Variants in LRBA observed in about 807,000 individuals in gnomAD.
The protein encoded by LRBA is LPS responsive beige-like anchor protein, also known as lipopolysaccharide-responsive and beige-like anchor protein.
In LRBA, 176 loss-of-function variants were observed where a neutral mutation model predicts 330.0. The observed-to-expected ratio is 0.53, with a 90% CI of 0.47 to 0.60. The LOEUF (loss-of-function observed/expected upper bound fraction) is 0.60. LRBA is among the 20% of genes least tolerant of loss of function. LRBA has a pLI of 0.00. For synonymous variants in LRBA, 1,230 were observed against 1,193.0 expected, an observed-to-expected ratio of 1.03 and a Z score of -0.64; for missense variants, 3,259 against 3,444.8, an observed-to-expected ratio of 0.95 and a Z score of 1.35.
chr4:150,726,409 T>C (rs775914825), intron 36 of LRBA, among the ~76,000 whole-genome samples: 151 of 152,224 alleles, frequency 9.9e-4, no homozygotes, highest in Non-Finnish European at 1.7e-3. Flanking sequence ...ACGGTCATTA[T>C]ATAGTGATAA....
chr4:150,455,021 T>C (rs557283528), intron 44 of LRBA, among the ~76,000 whole-genome samples: 13 of 151,922 alleles, frequency 8.6e-5, no homozygotes, highest in African/African-American at 2.4e-4. Flanking sequence ...CATGTGCACA[T>C]TGTGCAGGTT....
At chr4:150,536,226 G>A (rs939352653) in intron 40 of LRBA, among the ~76,000 whole-genome samples, 1 of 151,988 alleles carries the variant, frequency 6.6e-6, no homozygotes, top group Non-Finnish European at 1.5e-5. Flanking sequence ...TCCACTTTGG[G>A]CAAAAAAGTT....
rs373197084 is a variant in LRBA at position 150,991,491 on chromosome 4, A to G, written c.216+22936T>C. ...CTCAGCAAAAATTAAAAAAGAAACA[A>G]GCAACTTAATTATGCAACGACATAG... On this transcript the variant is annotated intron_variant, in intron 2 of 56. Coordinates refer to ENST00000651943, the MANE Select transcript of LRBA (RefSeq NM_001364905.1). Among the ~76,000 whole-genome samples, 184 of 152,358 alleles carry G rather than the reference A, an allele frequency of 1.2e-3. 3 individuals carry two copies. Among genetic ancestry groups the G allele is most frequent in the African/African-American group, 4.3e-3 (178 of 41,578 alleles).
intron 34 of LRBA, among the ~76,000 whole-genome samples, chr4:150,796,134 C>G (rs778330641): frequency 1.1e-4 from 17 of 151,870 alleles, no homozygotes; most frequent in Non-Finnish European, 2.1e-4. Context: ...CCCACCCTAT[C>G]TCAGACCAAA....
At chr4:150,733,217 G>A (rs1166397796) in intron 36 of LRBA, among the ~76,000 whole-genome samples, 1 of 151,958 alleles carries the variant, frequency 6.6e-6, no homozygotes, top group African/African-American at 2.4e-5. Flanking sequence ...ACAGTGTGGA[G>A]TCTTTTTTCC....
intron 40 of LRBA, among the ~76,000 whole-genome samples, chr4:150,499,260 A>C (rs1759953071): frequency 6.6e-6 from 1 of 152,076 alleles, no homozygotes; most frequent in South Asian, 2.1e-4. Context: ...TCCCTTTATA[A>C]TTTTTTCATT....
intron 40 of LRBA, among the ~76,000 whole-genome samples, chr4:150,493,962 T>C (rs1178039898): frequency 2.6e-5 from 4 of 152,192 alleles, no homozygotes; most frequent in Admixed American, 6.5e-5. Flanking sequence ...CATGCACCTA[T>C]AGCCCTAGCT....
At chr4:150,489,293 TATA>T (rs1758448466) in intron 41 of LRBA, among the ~76,000 whole-genome samples, 1 of 101,186 alleles carries the variant, frequency 9.9e-6, no homozygotes, top group Non-Finnish European at 1.8e-5. Flanking sequence ...TATAAGAATA[TATA>T]ATATATTATA....
At chr4:150,923,184 C>CAAA (rs372277904) in intron 4 of LRBA, among the ~76,000 whole-genome samples, 7 of 137,312 alleles carry the variant, frequency 5.1e-5, no homozygotes, top group Non-Finnish European at 6.2e-5. Flanking sequence ...ATCGTAAAGT[C>CAAA]AAAAAAAAAA....
rs574736073 is a variant in LRBA at position 150,454,108 on chromosome 4, G to A, written c.6780+13565C>T. On this transcript the variant is annotated intron_variant, in intron 44 of 56. Transcript: ENST00000651943. ...CCCAAGTAGCTGGGATTACAGGCACGCACCACCACATCTGACTAATTTTTG... is the reference window on the plus strand; with the variant it reads ...CCCAAGTAGCTGGGATTACAGGCACACACCACCACATCTGACTAATTTTTG... 9.2e-5 allele frequency among the ~76,000 whole-genome samples: 14 copies of A among 152,008 alleles called. No homozygotes were observed. In the South Asian group the frequency reaches 1.9e-3, roughly 20 times the overall value.
At chr4:150,872,791 G>T in intron 17 of LRBA, 36 bp from the exon 18 acceptor site, 1 of 1,097,344 alleles carries the variant, frequency 9.1e-7, no homozygotes, top group Non-Finnish European at 1.3e-6. Flanking sequence ...ACTATTTTGA[G>T]TATAATTTTT....
chr4:150,933,204 A>G (rs910175232), intron 2 of LRBA, among the ~76,000 whole-genome samples: 2 of 151,758 alleles, frequency 1.3e-5, no homozygotes, highest in South Asian at 2.1e-4. Context: ...CCTGGTCAAC[A>G]TGGTGAAACC....
chr4:150,393,859 A>G (rs1744349764), intron 47 of LRBA, among the ~76,000 whole-genome samples: 2 of 152,232 alleles, frequency 1.3e-5, no homozygotes, highest in Admixed American at 6.5e-5. Flanking sequence ...GTTGAAATGC[A>G]GATTCTATCA....
rs779941155 is a variant in LRBA, at chr4:150,848,894, A to C, written c.4263T>G (p.Ser1421Arg). ...CTTCAATTTCAGTAAAGCCAAGAGA[A>C]CTTGCAAATATAAGCACATCCACAA... ...ISLVDVLIFASSLGFTEIEAE... is the reference protein window; with the variant it reads ...ISLVDVLIFARSLGFTEIEAE... The change falls in exon 26 of 57, where the codon AGT becomes AGG. Residue 1421 changes from serine (S) to arginine (R), a missense_variant. Ser to Arg is a moderately radical substitution (Grantham distance 110, BLOSUM62 -1). Transcript: ENST00000651943. 1.2e-6 allele frequency: 2 copies of C among 1,613,358 alleles called. No homozygotes were observed. The highest frequency in any genetic ancestry group is 1.7e-5 in the Admixed American group (1 of 59,898).
intron 26 of LRBA, among the ~76,000 whole-genome samples, chr4:150,845,874 A>G (rs1749776282): frequency 6.6e-6 from 1 of 152,222 alleles, no homozygotes; most frequent in Non-Finnish European, 1.5e-5. Context: ...CACAAGTTGC[A>G]TAAAATCAAA....
chr4:150,406,988 G>A (rs1329242819), intron 47 of LRBA, among the ~76,000 whole-genome samples: 4 of 152,058 alleles, frequency 2.6e-5, no homozygotes, highest in Non-Finnish European at 5.9e-5. Context: ...TGCCATGTTC[G>A]CCAGGCTGGT....
chr4:150,672,110 T>G (rs1206287855), intron 37 of LRBA, among the ~76,000 whole-genome samples: 1 of 152,212 alleles, frequency 6.6e-6, no homozygotes, highest in Non-Finnish European at 1.5e-5. Context: ...CTTTGACTAT[T>G]TAAACACAGT....
At chr4:150,877,989 C>G (rs1298672699) in intron 17 of LRBA, among the ~76,000 whole-genome samples, 1 of 151,970 alleles carries the variant, frequency 6.6e-6, no homozygotes, top group Non-Finnish European at 1.5e-5. Flanking sequence ...TAAATGAAAA[C>G]AAAGCCACAA....
intron 36 of LRBA, among the ~76,000 whole-genome samples, chr4:150,702,846 T>A (rs2127002424): frequency 6.6e-6 from 1 of 152,256 alleles, no homozygotes; most frequent in Non-Finnish European, 1.5e-5. Context: ...ATTGTTAAGT[T>A]CAGAAATAAT....
Sources: gnomAD v4.1 joint callset for allele counts (sites outside exome capture counted in the v4.1 genomes callset) on GRCh38, gnomAD v4.1.1 for gene constraint, MANE v1.5 for transcripts, NCBI Gene and HGNC (gene_info 2026-07-23, HGNC 2026-07-21) for gene names.